NPAS3: variants seen among roughly 807,000 people sequenced by gnomAD.
NPAS3 encodes the protein neuronal PAS domain protein 3, also known as neuronal PAS domain-containing protein 3.
A neutral mutation model predicts 73.1 loss-of-function variants in NPAS3; 14 were observed. The observed-to-expected ratio is 0.19, with a 90% CI of 0.13 to 0.30. NPAS3 has a LOEUF of 0.30. NPAS3 is among the 10% of genes least tolerant of loss of function. The pLI is 1.00. For missense variants in NPAS3, 1,096 were observed against 1,250.0 expected (o/e 0.88, Z 1.86); for synonymous variants, 620 against 541.5 (o/e 1.14, Z -2.01).
At chr14:33,350,167 G>A (rs146905202) in intron 3 of NPAS3, among the ~76,000 whole-genome samples, 2 of 152,240 alleles carry the variant, frequency 1.3e-5, no homozygotes, top group East Asian at 1.9e-4. Context: ...GACAGGGTCC[G>A]TTAAGTTTGA....
intron 4 of NPAS3, among the ~76,000 whole-genome samples, chr14:33,391,156 T>C (rs921281583): frequency 1.8e-4 from 27 of 150,562 alleles, no homozygotes; most frequent in African/African-American, 6.3e-4. Context: ...AATAGACATT[T>C]AAACAAAAAT....
intron 4 of NPAS3, among the ~76,000 whole-genome samples, chr14:33,522,115 T>G (rs1371209215): frequency 6.6e-6 from 1 of 152,204 alleles, no homozygotes; most frequent in Non-Finnish European, 1.5e-5. Context: ...ACATAGTGTT[T>G]GCTCTGAATT....
At position 33,527,788 on chromosome 14, in the gene NPAS3, C is replaced by T. The variant is rs547840689; in HGVS notation, c.469-32333C>T. Among the ~76,000 whole-genome samples the T allele has an allele frequency of 4.6e-5, 7 of 152,202 alleles. No individual in the cohort carries two copies. The South Asian group carries it at 1.5e-3, about 32-fold the overall frequency. On this transcript the variant is annotated intron_variant, in intron 4 of 11. Transcript: ENST00000356141. ...TGTGAGAATCCTGTTTCCTAGTGGG[C>T]AAGTGCTGGGGGCTTCCTTTTGAAC...
intron 4 of NPAS3, among the ~76,000 whole-genome samples, chr14:33,488,073 G>A (rs769767655): frequency 6.6e-6 from 1 of 152,054 alleles, no homozygotes; most frequent in Non-Finnish European, 1.5e-5. Context: ...GGCTGGGATA[G>A]GCTCAAAAGG....
At chr14:33,679,128 C>T (rs1042393227) in intron 6 of NPAS3, among the ~76,000 whole-genome samples, 1 of 152,196 alleles carries the variant, frequency 6.6e-6, no homozygotes, top group African/African-American at 2.4e-5. Flanking sequence ...GAAAACTCTG[C>T]CTTCCACATC....
chr14:33,157,054 T>G (rs2139282469), intron 2 of NPAS3, among the ~76,000 whole-genome samples: 1 of 152,224 alleles, frequency 6.6e-6, no homozygotes. Context: ...ACTAGTGAAT[T>G]TAGAAAGGGG....
chr14:33,096,268 T>G (rs1272924540), intron 2 of NPAS3, among the ~76,000 whole-genome samples: 2 of 152,142 alleles, frequency 1.3e-5, no homozygotes, highest in Non-Finnish European at 2.9e-5. Flanking sequence ...CATTGCTAAT[T>G]GAACTGTGTA....
chr14:33,419,201 G>C (rs1458866807), intron 4 of NPAS3, among the ~76,000 whole-genome samples: 1 of 151,890 alleles, frequency 6.6e-6, no homozygotes, highest in Non-Finnish European at 1.5e-5. Context: ...TAGGCTGAAG[G>C]TAGACTAAGG....
chr14:33,275,248 G>A (rs1176584873), intron 3 of NPAS3, among the ~76,000 whole-genome samples: 2 of 152,134 alleles, frequency 1.3e-5, no homozygotes, highest in African/African-American at 4.8e-5. Context: ...GTGGTTCCCT[G>A]CAGCAGATAC....
At chr14:33,591,744 A>C (rs979156476) in intron 5 of NPAS3, among the ~76,000 whole-genome samples, 4 of 152,170 alleles carry the variant, frequency 2.6e-5, no homozygotes, top group Non-Finnish European at 4.4e-5. Context: ...GCACAGTCAA[A>C]TCTCTTGATC....
chr14:33,139,925 T>C (rs1266509173), intron 2 of NPAS3, among the ~76,000 whole-genome samples: 1 of 143,182 alleles, frequency 7.0e-6, no homozygotes, highest in African/African-American at 2.6e-5. Flanking sequence ...TCCAGTCCTA[T>C]AATATTCTGC....
chr14:33,438,168 A>T (rs1338159310), intron 4 of NPAS3, among the ~76,000 whole-genome samples: 2 of 152,204 alleles, frequency 1.3e-5, no homozygotes, highest in Non-Finnish European at 2.9e-5. Context: ...ATGCTTACTG[A>T]GCATAAAAAA....
intron 4 of NPAS3, among the ~76,000 whole-genome samples, chr14:33,511,579 T>C (rs779738272): frequency 6.6e-6 from 1 of 152,102 alleles, no homozygotes; most frequent in Non-Finnish European, 1.5e-5. Context: ...GGTGGTTAGA[T>C]AGATGACAGC....
chr14:33,095,298 G>A (rs985913763), intron 2 of NPAS3, among the ~76,000 whole-genome samples: 5 of 152,140 alleles, frequency 3.3e-5, no homozygotes, highest in African/African-American at 1.2e-4. Flanking sequence ...CTAAGCTGCT[G>A]GCAGGCAGCA....
At chr14:33,081,382 T>C (rs79450258) in intron 2 of NPAS3, among the ~76,000 whole-genome samples, 46 of 152,032 alleles carry the variant, frequency 3.0e-4, no homozygotes, top group Admixed American at 8.5e-4. Context: ...TTTTTTTTTT[T>C]CCCCAGCTTA....
intron 4 of NPAS3, among the ~76,000 whole-genome samples, chr14:33,448,387 C>A (rs1044181938): frequency 1.3e-5 from 2 of 152,140 alleles, no homozygotes; most frequent in Non-Finnish European, 2.9e-5. Flanking sequence ...GAATAGGAAT[C>A]TTGAAGAGAG....
At chr14:33,693,017 C>T (rs1281005955) in intron 6 of NPAS3, among the ~76,000 whole-genome samples, 1 of 152,040 alleles carries the variant, frequency 6.6e-6, no homozygotes, top group Non-Finnish European at 1.5e-5. Flanking sequence ...TAGCATGTGG[C>T]ACAGAAATGC....
chr14:33,592,749 A>C (rs1195967327), intron 5 of NPAS3, among the ~76,000 whole-genome samples: 1 of 152,222 alleles, frequency 6.6e-6, no homozygotes, highest in Non-Finnish European at 1.5e-5. Flanking sequence ...ATGGAAATGT[A>C]ATAATCCTTT....
At chr14:33,532,214 A>G (rs919953944) in intron 4 of NPAS3, among the ~76,000 whole-genome samples, 1 of 151,836 alleles carries the variant, frequency 6.6e-6, no homozygotes, top group South Asian at 2.1e-4. Context: ...CAGTAAATCA[A>G]CTCCATTACT....
Sources: gnomAD v4.1 joint callset for allele counts (sites outside exome capture counted in the v4.1 genomes callset) on GRCh38, gnomAD v4.1.1 for gene constraint, MANE v1.5 for transcripts, NCBI Gene and HGNC (gene_info 2026-07-23, HGNC 2026-07-21) for gene names.